The following ADAMTS16 variants were observed in gnomAD, a reference collection of about 807,000 sequenced individuals.
The protein encoded by ADAMTS16 is ADAM metallopeptidase with thrombospondin type 1 motif 16, also known as A disintegrin and metalloproteinase with thrombospondin motifs 16.
A neutral mutation model predicts 145.8 loss-of-function variants in ADAMTS16; 94 were observed. That is an observed-to-expected ratio of 0.64 (90% CI 0.55 to 0.77). The LOEUF is 0.77. Ranked by LOEUF, ADAMTS16 falls within the 30% of genes least tolerant of loss-of-function variation. The pLI is 0.00. For synonymous variants in ADAMTS16, 659 were observed against 604.3 expected (o/e 1.09, Z -1.33); for missense variants, 1,585 against 1,591.5 (o/e 1.00, Z 0.07).
chr5:5,228,992 T>C (rs1579325748), intron 11 of ADAMTS16, among the ~76,000 whole-genome samples: 1 of 152,342 alleles, frequency 6.6e-6, no homozygotes, highest in East Asian at 1.9e-4. Flanking sequence ...CCTCTGCCTT[T>C]GCCTCTTTTA....
intron 14 of ADAMTS16, 84 bp downstream of exon 14, chr5:5,237,183 G>T: frequency 7.0e-7 from 1 of 1,421,170 alleles, no homozygotes; most frequent in Middle Eastern, 1.8e-4. Flanking sequence ...TAGAAAGACT[G>T]GACATATGAG....
intron 21 of ADAMTS16, among the ~76,000 whole-genome samples, chr5:5,308,687 C>T (rs145564209): frequency 0.02 from 3,034 of 152,192 alleles, 54 homozygotes; most frequent in Middle Eastern, 0.037. Context: ...CAGATAGGAT[C>T]CCTGTAATCC....
At chr5:5,266,171 CT>C (rs1264346972) in intron 18 of ADAMTS16, among the ~76,000 whole-genome samples, 1 of 152,122 alleles carries the variant, frequency 6.6e-6, no homozygotes, top group Non-Finnish European at 1.5e-5. Flanking sequence ...CAAGCATACC[CT>C]TGCAGTCTAG....
In ADAMTS16 at chr5:5,319,990, G is replaced by C. The variant is rs1356337522; in HGVS notation, c.*852G>C. ...TCAAAACCCTACCATCCTGAGAAGA[G>C]TTATGGTTCTATTATAGCAGACGTC... On this transcript the variant is annotated 3_prime_UTR_variant, in exon 23 of 23. Coordinates refer to ENST00000274181, the MANE Select transcript of ADAMTS16 (RefSeq NM_139056.4). The C allele has an allele frequency of 6.7e-6, 3 of 450,182 alleles. No homozygotes were observed. Among genetic ancestry groups the C allele is most frequent in the Non-Finnish European group, 8.8e-6 (2 of 225,992 alleles). The allele number at this position is 450,182 out of a possible 1,614,324, so 27.9% of individuals were successfully genotyped here.
chr5:5,293,587 G>A (rs1159695509), intron 18 of ADAMTS16, among the ~76,000 whole-genome samples: 1 of 152,142 alleles, frequency 6.6e-6, no homozygotes, highest in Non-Finnish European at 1.5e-5. Context: ...ATGAGAGGGG[G>A]CTTCTCTGTC....
At chr5:5,255,810 T>C (rs1005803478) in intron 17 of ADAMTS16, among the ~76,000 whole-genome samples, 1 of 152,258 alleles carries the variant, frequency 6.6e-6, no homozygotes, top group Non-Finnish European at 1.5e-5. Context: ...ATATTGACTT[T>C]TGTTTCTATA....
At chr5:5,236,870 T>C in intron 13 of ADAMTS16, 99 bp from the exon 14 acceptor site, 2 of 1,435,774 alleles carry the variant, frequency 1.4e-6, no homozygotes, top group South Asian at 1.4e-5. Flanking sequence ...GGAGTTATTT[T>C]ATGGGGGAAG....
At chr5:5,170,747 T>C (rs529401610) in intron 3 of ADAMTS16, among the ~76,000 whole-genome samples, 1 of 152,242 alleles carries the variant, frequency 6.6e-6, no homozygotes, top group African/African-American at 2.4e-5. Flanking sequence ...GCTCCTTATA[T>C]ATTCTGGTTG....
chr5:5,198,285 T>G (rs547372360), intron 8 of ADAMTS16, among the ~76,000 whole-genome samples: 13 of 152,312 alleles, frequency 8.5e-5, no homozygotes, highest in African/African-American at 3.1e-4. Flanking sequence ...TTCACAGCCA[T>G]GACACATTTC....
At chr5:5,280,270 T>C (rs999322257) in intron 18 of ADAMTS16, among the ~76,000 whole-genome samples, 44 of 152,334 alleles carry the variant, frequency 2.9e-4, no homozygotes, top group Non-Finnish European at 6.0e-4. Context: ...GCCTTTTATT[T>C]CTGCCTTGCC....
chr5:5,268,683 G>C (rs1579360428), intron 18 of ADAMTS16, among the ~76,000 whole-genome samples: 1 of 152,142 alleles, frequency 6.6e-6, no homozygotes. Context: ...ATCCCGACTG[G>C]ACACTATTTC....
chr5:5,296,950 G>A (rs13189837), intron 18 of ADAMTS16, among the ~76,000 whole-genome samples: 15,893 of 152,222 alleles, frequency 0.1, 876 homozygotes, highest in Middle Eastern at 0.17. Flanking sequence ...GCACAGAAGC[G>A]GCAAGGGAGA....
chr5:5,170,615 T>A (rs1735018710), intron 3 of ADAMTS16, among the ~76,000 whole-genome samples: 1 of 151,992 alleles, frequency 6.6e-6, no homozygotes, highest in South Asian at 2.1e-4. Context: ...CGACCTCAGG[T>A]GATCCGCCCG....
chr5:5,156,589 TC>T (rs1734610548), intron 3 of ADAMTS16, among the ~76,000 whole-genome samples: 1 of 152,126 alleles, frequency 6.6e-6, no homozygotes, highest in African/African-American at 2.4e-5. Context: ...CGGACATTCC[TC>T]CCCCATGGTA....
intron 9 of ADAMTS16, among the ~76,000 whole-genome samples, chr5:5,204,829 A>G (rs1189393491): frequency 1.3e-5 from 2 of 152,228 alleles, no homozygotes; most frequent in Non-Finnish European, 2.9e-5. Flanking sequence ...TGCAATAGAC[A>G]GTACTAATCA....
intron 10 of ADAMTS16, among the ~76,000 whole-genome samples, chr5:5,218,991 G>T (rs1453072906): frequency 6.6e-6 from 1 of 152,116 alleles, no homozygotes; most frequent in Non-Finnish European, 1.5e-5. Context: ...ACGGGCACAG[G>T]ATCGGGGGCG....
intron 9 of ADAMTS16, among the ~76,000 whole-genome samples, chr5:5,204,623 A>G (rs933424297): frequency 3.3e-5 from 5 of 152,226 alleles, no homozygotes; most frequent in African/African-American, 1.2e-4. Context: ...CTACTTAGTT[A>G]TGTTGCATAT....
intron 18 of ADAMTS16, among the ~76,000 whole-genome samples, chr5:5,294,214 C>T (rs1200416876): frequency 6.6e-6 from 1 of 152,120 alleles, no homozygotes; most frequent in Non-Finnish European, 1.5e-5. Context: ...GAACCAGAAC[C>T]AATTATATGC....
chr5:5,309,285 A>G (rs906755534), intron 21 of ADAMTS16, among the ~76,000 whole-genome samples: 15 of 152,188 alleles, frequency 9.9e-5, no homozygotes, highest in Admixed American at 8.5e-4. Context: ...CTTCGTTCTC[A>G]TGGCGTCAAT....
Sources: gnomAD v4.1 joint callset for allele counts (sites outside exome capture counted in the v4.1 genomes callset) on GRCh38, gnomAD v4.1.1 for gene constraint, MANE v1.5 for transcripts, NCBI Gene and HGNC (gene_info 2026-07-23, HGNC 2026-07-21) for gene names.